The following KHDRBS2 variants were observed in gnomAD, a reference collection of about 807,000 sequenced individuals.
KHDRBS2 encodes KH RNA binding domain containing, signal transduction associated 2, also known as KH domain-containing, RNA-binding, signal transduction-associated protein 2.
A neutral mutation model predicts 44.3 loss-of-function variants in KHDRBS2; 26 were observed. That is an observed-to-expected ratio of 0.59 (90% CI 0.43 to 0.81). The LOEUF (loss-of-function observed/expected upper bound fraction) is 0.81. Among genes scored for constraint, KHDRBS2 ranks in the 40% least tolerant of loss-of-function variants. The pLI, the probability that KHDRBS2 is intolerant of heterozygous loss-of-function variation, is 0.00. For synonymous variants in KHDRBS2, 194 were observed against 151.1 expected (o/e 1.28, Z -2.08); for missense variants, 476 against 433.1 (o/e 1.10, Z -0.88).
the KHDRBS2 span, among the ~76,000 whole-genome samples, chr6:61,590,032 C>A: frequency 6.6e-6 from 1 of 151,986 alleles, no homozygotes; most frequent in Non-Finnish European, 1.5e-5. Context: ...ATCCAAGAGG[C>A]ATCTGCTGGT....
At chr6:62,268,053 C>T (rs188344753) in intron 1 of KHDRBS2, among the ~76,000 whole-genome samples, 3 of 152,000 alleles carry the variant, frequency 2.0e-5, no homozygotes, top group Admixed American at 6.6e-5. Context: ...GGTATTAATC[C>T]TATGGGAACA....
chr6:62,231,337 T>G (rs576019659), intron 1 of KHDRBS2, among the ~76,000 whole-genome samples: 48 of 152,300 alleles, frequency 3.2e-4, no homozygotes, highest in Non-Finnish European at 3.7e-4. Context: ...GCAAGGACCT[T>G]CTTCACATGG....
intron 2 of KHDRBS2, among the ~76,000 whole-genome samples, chr6:62,111,376 A>T (rs1804952560): frequency 6.6e-6 from 1 of 152,076 alleles, no homozygotes; most frequent in South Asian, 2.1e-4. Context: ...TTCACTCAAC[A>T]AGTATTTTTG....
chr6:62,038,333 T>C (rs372495507), intron 3 of KHDRBS2, among the ~76,000 whole-genome samples: 1 of 147,912 alleles, frequency 6.8e-6, no homozygotes, highest in Admixed American at 6.8e-5. Flanking sequence ...TTTTTTTTTT[T>C]CTTTTTTGGT....
At chr6:61,847,693 T>C (rs1794613430) in intron 6 of KHDRBS2, among the ~76,000 whole-genome samples, 1 of 152,124 alleles carries the variant, frequency 6.6e-6, no homozygotes, top group Non-Finnish European at 1.5e-5. Context: ...CATCATATTT[T>C]GGTTTAGTGA....
chr6:61,772,764 A>G (rs533802263), intron 6 of KHDRBS2, among the ~76,000 whole-genome samples: 2 of 152,130 alleles, frequency 1.3e-5, no homozygotes, highest in South Asian at 2.1e-4. Flanking sequence ...AGTATTAGGT[A>G]TATCTCCTAA....
At chr6:62,016,901 T>C (rs1210758805) in intron 3 of KHDRBS2, among the ~76,000 whole-genome samples, 1 of 152,102 alleles carries the variant, frequency 6.6e-6, no homozygotes, top group East Asian at 1.9e-4. Flanking sequence ...CCTTTGTTTC[T>C]CTTATTTAAA....
intron 3 of KHDRBS2, among the ~76,000 whole-genome samples, chr6:62,003,122 A>T (rs1778571370): frequency 6.6e-6 from 1 of 151,908 alleles, no homozygotes; most frequent in South Asian, 2.1e-4. Flanking sequence ...AATTCAGACA[A>T]TATTCCTTAT....
intron 4 of KHDRBS2, among the ~76,000 whole-genome samples, chr6:61,904,058 G>A (rs1283623746): frequency 2.0e-5 from 3 of 152,162 alleles, no homozygotes; most frequent in Non-Finnish European, 2.9e-5. Flanking sequence ...CAAATACAGA[G>A]GGGACCAGTC....
chr6:62,017,355 A>G (rs1039890278), intron 3 of KHDRBS2, among the ~76,000 whole-genome samples: 1 of 152,190 alleles, frequency 6.6e-6, no homozygotes, highest in African/African-American at 2.4e-5. Flanking sequence ...AGAAACATGT[A>G]TCATAAAATA....
At chr6:61,542,847 A>C in the KHDRBS2 span, among the ~76,000 whole-genome samples, 3 of 152,142 alleles carry the variant, frequency 2.0e-5, no homozygotes, top group South Asian at 4.1e-4. Context: ...ATTTGAGTGG[A>C]GTTTAGGAGA....
chr6:61,789,298 AAGTAAAGTAGT>A (rs1784276590), intron 6 of KHDRBS2, among the ~76,000 whole-genome samples: 1 of 151,552 alleles, frequency 6.6e-6, no homozygotes. Context: ...TTAAAATAGA[AAGTAAAGTAGT>A]AGGAGAAAAG....
At chr6:62,137,556 G>T (rs1173353506) in intron 2 of KHDRBS2, among the ~76,000 whole-genome samples, 2 of 152,168 alleles carry the variant, frequency 1.3e-5, no homozygotes, top group African/African-American at 2.4e-5. Context: ...CTGATAGTTG[G>T]TCTTAGTATT....
chr6:61,668,932 A>G, the KHDRBS2 span, among the ~76,000 whole-genome samples: 1 of 151,074 alleles, frequency 6.6e-6, no homozygotes, highest in Admixed American at 6.6e-5. Flanking sequence ...TGCTGTTAGT[A>G]AACAAATAAG....
chr6:61,677,693 G>A (rs543295065), downstream of KHDRBS2, among the ~76,000 whole-genome samples: 4 of 151,964 alleles, frequency 2.6e-5, no homozygotes, highest in South Asian at 8.3e-4. Flanking sequence ...AGTGACAACT[G>A]GGAACTGACT....
intron 8 of KHDRBS2, among the ~76,000 whole-genome samples, chr6:61,688,933 A>C (rs1681484438): frequency 6.6e-6 from 1 of 151,914 alleles, no homozygotes; most frequent in African/African-American, 2.4e-5. Flanking sequence ...TACTAAGGAG[A>C]TGATTCAAGA....
intron 2 of KHDRBS2, among the ~76,000 whole-genome samples, chr6:62,151,442 G>A (rs1815165435): frequency 6.6e-6 from 1 of 152,028 alleles, no homozygotes; most frequent in African/African-American, 2.4e-5. Context: ...CAATAGTGCT[G>A]GCTCTATATT....
At chr6:61,546,805 C>G in the KHDRBS2 span, among the ~76,000 whole-genome samples, 1 of 152,064 alleles carries the variant, frequency 6.6e-6, no homozygotes, top group Non-Finnish European at 1.5e-5. Flanking sequence ...TCACTGACTG[C>G]TTTTGTACCA....
chr6:61,696,196 A>G (rs1767880109), intron 8 of KHDRBS2, among the ~76,000 whole-genome samples: 1 of 151,872 alleles, frequency 6.6e-6, no homozygotes, highest in Admixed American at 6.6e-5. Context: ...TTAAATTAGT[A>G]ACATTTTTCA....
Sources: gnomAD v4.1 joint callset for allele counts (sites outside exome capture counted in the v4.1 genomes callset) on GRCh38, gnomAD v4.1.1 for gene constraint, MANE v1.5 for transcripts, NCBI Gene and HGNC (gene_info 2026-07-23, HGNC 2026-07-21) for gene names.